Variants in ADAMTS12 observed in about 807,000 individuals in gnomAD.
ADAMTS12 encodes ADAM metallopeptidase with thrombospondin type 1 motif 12, also known as A disintegrin and metalloproteinase with thrombospondin motifs 12.
A neutral mutation model predicts 167.8 loss-of-function variants in ADAMTS12; 118 were observed. The observed-to-expected ratio is 0.70, with a 90% CI of 0.61 to 0.82. The LOEUF is 0.82. Ranked by LOEUF, ADAMTS12 falls within the 40% of genes least tolerant of loss-of-function variation. The pLI, the probability that ADAMTS12 is intolerant of heterozygous loss-of-function variation, is 0.00. For synonymous variants in ADAMTS12, 704 were observed against 716.9 expected, an observed-to-expected ratio of 0.98 and a Z score of 0.29; for missense variants, 1,916 against 1,998.8, an observed-to-expected ratio of 0.96 and a Z score of 0.79.
intron 2 of ADAMTS12, among the ~76,000 whole-genome samples, chr5:33,767,960 A>G (rs1455114966): frequency 3.3e-5 from 5 of 152,226 alleles, no homozygotes; most frequent in Admixed American, 6.5e-5. Flanking sequence ...TAAACTCACT[A>G]ATAGGCAACA....
chr5:33,767,457 C>T (rs942512947), intron 2 of ADAMTS12, among the ~76,000 whole-genome samples: 2 of 152,014 alleles, frequency 1.3e-5, no homozygotes, highest in Non-Finnish European at 2.9e-5. Context: ...TTTATCCAAT[C>T]TCTATATTAG....
At chr5:33,571,496 A>G (rs2111937559) in intron 19 of ADAMTS12, among the ~76,000 whole-genome samples, 1 of 152,342 alleles carries the variant, frequency 6.6e-6, no homozygotes, top group South Asian at 2.1e-4. Flanking sequence ...CCGAATGACT[A>G]CTGGGTACAT....
At chr5:33,610,980 C>T (rs932438789) in intron 16 of ADAMTS12, among the ~76,000 whole-genome samples, 2 of 151,966 alleles carry the variant, frequency 1.3e-5, no homozygotes, top group African/African-American at 4.8e-5. Context: ...GGCAAGAGAT[C>T]GCTCGAACCC....
chr5:33,685,899 C>A (rs560675667), intron 3 of ADAMTS12, among the ~76,000 whole-genome samples: 69 of 152,272 alleles, frequency 4.5e-4, no homozygotes, highest in African/African-American at 1.6e-3. Flanking sequence ...TTTTGAATCT[C>A]ACATGAATGT....
chr5:33,724,484 T>C (rs901811810), intron 3 of ADAMTS12, among the ~76,000 whole-genome samples: 2 of 152,142 alleles, frequency 1.3e-5, no homozygotes, highest in South Asian at 4.1e-4. Context: ...CTGAACACAC[T>C]GTTACTGAAG....
In ADAMTS12 at chr5:33,588,000, A is replaced by C. The variant is rs1015472814; in HGVS notation, c.2865+599T>G. On this transcript the variant is annotated intron_variant, in intron 18 of 23. Transcript: ENST00000504830. The stretch of plus-strand genomic sequence containing the variant: ...GACCCAAAGAAAATTAAAGCCTGAG[A>C]GAGCTTTTCATAACCTTCCAGCTTA... 7.2e-5 allele frequency among the ~76,000 whole-genome samples: 11 copies of C among 152,370 alleles called. 1 individual carries two copies. In the South Asian group the frequency reaches 2.1e-3, roughly 29 times the overall value.
At chr5:33,756,857 C>T (rs1579909905) in intron 2 of ADAMTS12, among the ~76,000 whole-genome samples, 2 of 152,322 alleles carry the variant, frequency 1.3e-5, no homozygotes, top group South Asian at 4.1e-4. Flanking sequence ...ACAGTGCTGT[C>T]CAACAGAACT....
intron 2 of ADAMTS12, among the ~76,000 whole-genome samples, chr5:33,792,374 T>C (rs1303254568): frequency 6.6e-6 from 1 of 152,212 alleles, no homozygotes; most frequent in Non-Finnish European, 1.5e-5. Context: ...ACCATGAATG[T>C]GCATGTCACG....
chr5:33,821,145 A>T (rs927014528), intron 2 of ADAMTS12, among the ~76,000 whole-genome samples: 1 of 152,182 alleles, frequency 6.6e-6, no homozygotes, highest in African/African-American at 2.4e-5. Context: ...AACAATCATC[A>T]TCATCATCTC....
chr5:33,749,632 A>G (rs1744907432), intron 3 of ADAMTS12, among the ~76,000 whole-genome samples: 1 of 152,180 alleles, frequency 6.6e-6, no homozygotes, highest in Non-Finnish European at 1.5e-5. Context: ...TTCACAAGGC[A>G]AAGATTGTAT....
intron 7 of ADAMTS12, among the ~76,000 whole-genome samples, chr5:33,652,745 AG>A (rs1444402714): frequency 6.6e-6 from 1 of 152,116 alleles, no homozygotes; most frequent in African/African-American, 2.4e-5. Flanking sequence ...TTGTAGTTTC[AG>A]GACTTACATT....
Position 33,574,345 on chromosome 5 carries a change from C to A in ADAMTS12, c.3972+1709G>T, listed in dbSNP as rs60065493. On this transcript the variant is annotated intron_variant, in intron 19 of 23. Coordinates refer to ENST00000504830, the MANE Select transcript of ADAMTS12 (RefSeq NM_030955.4). ...CACAATAGCAAAGACTTGGAACCAA[C>A]CCAAATGTCCAACAATGATAGATCG... 3.3e-5 allele frequency among the ~76,000 whole-genome samples: 5 copies of A among 152,038 alleles called. No individual in the cohort carries two copies. The East Asian group carries it at 7.7e-4, about 23-fold the overall frequency.
At chr5:33,654,463 C>T (rs940670989) in intron 7 of ADAMTS12, among the ~76,000 whole-genome samples, 1 of 152,164 alleles carries the variant, frequency 6.6e-6, no homozygotes, top group Non-Finnish European at 1.5e-5. Flanking sequence ...GGGGCCACTG[C>T]TTCAATACTG....
chr5:33,858,732 T>C (rs1364305089), intron 2 of ADAMTS12, among the ~76,000 whole-genome samples: 2 of 149,416 alleles, frequency 1.3e-5, no homozygotes, highest in African/African-American at 2.5e-5. Context: ...GATGGCCAAA[T>C]AGGAATGGCT....
At position 33,875,448 on chromosome 5, in the gene ADAMTS12, T is replaced by G. The variant is rs367628314; in HGVS notation, c.489+5671A>C. The stretch of plus-strand genomic sequence containing the variant: ...GGGAGCAGGGAGATTATGAGATATC[T>G]CTTTACTTTCCTCTCAGTTTTGGTA... On this transcript the variant is annotated intron_variant, in intron 2 of 23. Transcript: ENST00000504830. 2.2e-4 allele frequency among the ~76,000 whole-genome samples: 34 copies of G among 152,330 alleles called. No individual in the cohort carries two copies. In the East Asian group the frequency reaches 5.2e-3, roughly 23 times the overall value.
At chr5:33,689,166 G>A (rs972073301) in intron 3 of ADAMTS12, among the ~76,000 whole-genome samples, 9 of 152,140 alleles carry the variant, frequency 5.9e-5, no homozygotes, top group Admixed American at 2.6e-4. Flanking sequence ...TCTTGGATTT[G>A]ATCATTTATC....
At chr5:33,761,098 G>A (rs956124233) in intron 2 of ADAMTS12, among the ~76,000 whole-genome samples, 6 of 152,210 alleles carry the variant, frequency 3.9e-5, no homozygotes, top group East Asian at 3.9e-4. Flanking sequence ...CACTTTCCCC[G>A]TGGGAAGCAA....
Position 33,661,182 on chromosome 5 carries a change from T to C in ADAMTS12, c.1040+734A>G, listed in dbSNP as rs114607323. On this transcript the variant is annotated intron_variant, in intron 6 of 23. Transcript: ENST00000504830. Reference sequence around the variant, plus strand: ...AAGAATTTACTTTACCCCATTCTAATATAAGCCCTTCTTTCATCTAGATTA... The same window carrying C: ...AAGAATTTACTTTACCCCATTCTAACATAAGCCCTTCTTTCATCTAGATTA... Among the ~76,000 whole-genome samples the C allele has an allele frequency of 3.5e-3, 530 of 152,332 alleles. 5 individuals carry two copies. The highest frequency in any genetic ancestry group is 0.012 in the African/African-American group (508 of 41,592).
chr5:33,805,626 C>T (rs1747196115), intron 2 of ADAMTS12, among the ~76,000 whole-genome samples: 2 of 152,186 alleles, frequency 1.3e-5, no homozygotes, highest in Admixed American at 1.3e-4. Flanking sequence ...TCATCAAGCT[C>T]ACAGAATAGA....
Sources: gnomAD v4.1 joint callset for allele counts (sites outside exome capture counted in the v4.1 genomes callset) on GRCh38, gnomAD v4.1.1 for gene constraint, MANE v1.5 for transcripts, NCBI Gene and HGNC (gene_info 2026-07-23, HGNC 2026-07-21) for gene names.